NHSL2: variants seen among roughly 807,000 people sequenced by gnomAD.
The protein encoded by NHSL2 is NHS-like protein 2.
NHSL2 carries 27 observed loss-of-function variants against 53.4 expected under a neutral mutation model. That is an observed-to-expected ratio of 0.51 (90% CI 0.37 to 0.70). The LOEUF (loss-of-function observed/expected upper bound fraction) is 0.70, where lower values mean the gene tolerates loss of function less well. Ranked by LOEUF, NHSL2 falls within the 30% of genes least tolerant of loss-of-function variation. NHSL2 has a pLI of 0.00. For missense variants in NHSL2, 892 were observed against 980.1 expected (o/e 0.91, Z 1.20); for synonymous variants, 408 against 404.1 (o/e 1.01, Z -0.12).
At chrX:72,052,569 G>T (rs957692599) in intron 1 of NHSL2, among the ~76,000 whole-genome samples, 16 of 111,965 alleles carry the variant, frequency 1.4e-4, no homozygotes, top group Non-Finnish European at 2.8e-4. Context: ...GGGAGGAGAT[G>T]GAGTAAGGAC....
intron 1 of NHSL2, among the ~76,000 whole-genome samples, chrX:72,006,924 TC>T (rs780753807): frequency 8.9e-6 from 1 of 112,613 alleles, no homozygotes; most frequent in Non-Finnish European, 1.9e-5. Flanking sequence ...CTCGTTTTGC[TC>T]TGCAATTCCA....
chrX:71,916,735 C>G (rs1428123865), intron 1 of NHSL2, among the ~76,000 whole-genome samples: 2 of 112,073 alleles, frequency 1.8e-5, no homozygotes, highest in African/African-American at 6.5e-5. Context: ...TTAGAATTCC[C>G]TATGGTAAAA....
At chrX:72,089,386 C>G (rs927395126) in intron 1 of NHSL2, among the ~76,000 whole-genome samples, 1 of 111,599 alleles carries the variant, frequency 9.0e-6, no homozygotes, top group African/African-American at 3.3e-5. Context: ...AGGCAGCTTC[C>G]CAAGCTCAGA....
intron 1 of NHSL2, among the ~76,000 whole-genome samples, chrX:72,039,798 G>A (rs1307598958): frequency 9.0e-6 from 1 of 111,677 alleles, no homozygotes; most frequent in Admixed American, 9.5e-5. Context: ...TCCACAGTCT[G>A]CAGTACATGA....
Position 72,129,717 on chromosome X carries a change from A to C in NHSL2, c.281-2362A>C. 4.1e-6 allele frequency: 3 copies of C among 725,608 alleles called. No individual in the cohort carries two copies. The South Asian group carries it at 8.0e-5, about 19-fold the overall frequency. The allele number at this position is 725,608 out of a possible 1,213,427, so 59.8% of individuals were successfully genotyped here. A position where few individuals can be genotyped will look rare whatever the true frequency, so the allele number is the denominator to read the frequency against. ...TCTGCAGGTCTTCTTCAGGTTCTGCAGGTCTGAAACTCCCTGAAGTCCTGG... is the reference window on the plus strand; with the variant it reads ...TCTGCAGGTCTTCTTCAGGTTCTGCCGGTCTGAAACTCCCTGAAGTCCTGG... On this transcript the variant is annotated intron_variant, in intron 1 of 7. Coordinates refer to ENST00000633930, the MANE Select transcript of NHSL2 (RefSeq NM_001013627.3).
rs1388059729 is a variant in NHSL2, at chrX:72,143,897, G to C, written c.*323G>C. 3.9e-5 allele frequency: 6 copies of C among 154,811 alleles called. No individual in the cohort carries two copies. The highest frequency in any genetic ancestry group is 7.7e-5 in the Admixed American group (1 of 13,059). The allele number at this position is 154,811 out of a possible 1,213,427, so 12.8% of individuals were successfully genotyped here. ...GCACATGTGCCACTTTTTCAATTCA[G>C]TGACCCGGCTGCTCCATCCCTGGCT... On this transcript the variant is annotated 3_prime_UTR_variant, in exon 8 of 8. Transcript: ENST00000633930.
At chrX:72,103,750 A>T (rs1052593379) in intron 1 of NHSL2, among the ~76,000 whole-genome samples, 1 of 112,332 alleles carries the variant, frequency 8.9e-6, no homozygotes, top group African/African-American at 3.2e-5. Context: ...GGGACTTGAG[A>T]GGAGAAAAGC....
chrX:72,139,085 G>A lies in NHSL2; in HGVS notation c.1537G>A (p.Asp513Asn), dbSNP rs780600090. 2 of 1,168,721 alleles carry A rather than the reference G, an allele frequency of 1.7e-6. No homozygotes were observed. The highest frequency in any genetic ancestry group is 1.8e-5 in the African/African-American group (1 of 56,052). ...CTCAGGCACCACAGATGTGGACTAT[G>A]ATGAGGAGCAGAAGGCCAATGAGGC... ...TDSGTTDVDY[D>N]EEQKANEACA... The change falls in exon 6 of 8, where the codon GAT becomes AAT. Residue 513 changes from aspartate to asparagine, a missense_variant. By Grantham distance (23) the Asp-to-Asn change is conservative. Coordinates refer to ENST00000633930, the MANE Select transcript of NHSL2 (RefSeq NM_001013627.3).
intron 1 of NHSL2, among the ~76,000 whole-genome samples, chrX:72,022,706 T>C (rs1310966254): frequency 8.9e-6 from 1 of 111,988 alleles, no homozygotes; most frequent in African/African-American, 3.3e-5. Flanking sequence ...GCACAGACAT[T>C]CAATCCATGA....
Position 71,910,868 on chromosome X carries a change from G to A in NHSL2, c.-220G>A, listed in dbSNP as rs1025015725. 1.5e-4 allele frequency: 35 copies of A among 228,971 alleles called. No homozygotes were observed. The highest frequency in any genetic ancestry group is 9.5e-4 in the African/African-American group (32 of 33,851). 18.9% of individuals were successfully genotyped at this position (228,971 alleles called of 1,213,427 possible). A position where few individuals can be genotyped will look rare whatever the true frequency, so the allele number is the denominator to read the frequency against. ...TCAGAGGGACTGGTGGCTCCGGCGAGTGTGCAGCCCCGGGGGAGCCGGCGC... is the reference window on the plus strand; with the variant it reads ...TCAGAGGGACTGGTGGCTCCGGCGAATGTGCAGCCCCGGGGGAGCCGGCGC... On this transcript the variant is annotated 5_prime_UTR_variant, in exon 1 of 8. It adds an upstream start codon to the 5' untranslated region. Transcript: ENST00000633930.
chrX:72,105,422 C>T (rs1223448464), intron 1 of NHSL2, among the ~76,000 whole-genome samples: 1 of 111,473 alleles, frequency 9.0e-6, no homozygotes, highest in Non-Finnish European at 1.9e-5. Context: ...GGAGTCAGGA[C>T]CTAAAAGGAA....
At chrX:72,133,203 C>T (rs1007234088) in intron 2 of NHSL2, among the ~76,000 whole-genome samples, 1 of 112,413 alleles carries the variant, frequency 8.9e-6, no homozygotes, top group Non-Finnish European at 1.9e-5. Flanking sequence ...CCCCAACTGT[C>T]CGTGGAAGAA....
intron 1 of NHSL2, among the ~76,000 whole-genome samples, chrX:72,113,531 G>A (rs900848324): frequency 1.8e-5 from 2 of 111,872 alleles, no homozygotes; most frequent in African/African-American, 6.5e-5. Flanking sequence ...GGCTGGACAG[G>A]AGAACCACAA....
At chrX:71,974,134 C>T (rs752224460) in intron 1 of NHSL2, among the ~76,000 whole-genome samples, 2 of 112,252 alleles carry the variant, frequency 1.8e-5, no homozygotes, top group South Asian at 7.5e-4. Context: ...CTTTCACCAG[C>T]GAAATGATTG....
intron 1 of NHSL2, among the ~76,000 whole-genome samples, chrX:71,961,794 G>A (rs1432099297): frequency 9.0e-6 from 1 of 111,241 alleles, no homozygotes; most frequent in African/African-American, 3.3e-5. Flanking sequence ...TCTGCCTCCC[G>A]AGTAGCTGAG....
intron 1 of NHSL2, chrX:72,131,328 G>T (rs774040323): frequency 8.3e-7 from 1 of 1,203,006 alleles, no homozygotes; most frequent in Non-Finnish European, 1.1e-6. Flanking sequence ...CACTGAGCGC[G>T]AACTCCAAGT....
At chrX:71,960,611 C>G (rs184698339) in intron 1 of NHSL2, among the ~76,000 whole-genome samples, 10 of 112,352 alleles carry the variant, frequency 8.9e-5, no homozygotes, top group Admixed American at 8.5e-4. Context: ...ATCCAGTTGT[C>G]CCAGCACCAT....
intron 1 of NHSL2, among the ~76,000 whole-genome samples, chrX:72,071,843 C>A (rs2041703615): frequency 8.9e-6 from 1 of 112,471 alleles, no homozygotes; most frequent in East Asian, 2.8e-4. Context: ...TTTCACTCAT[C>A]CATCTATCTG....
chrX:72,109,708 C>G (rs1324362368), intron 1 of NHSL2, among the ~76,000 whole-genome samples: 1 of 111,092 alleles, frequency 9.0e-6, no homozygotes, highest in Admixed American at 9.6e-5. Context: ...ACCTCATGAT[C>G]CGCCCGCCTC....
Sources: gnomAD v4.1 joint callset for allele counts (sites outside exome capture counted in the v4.1 genomes callset) on GRCh38, gnomAD v4.1.1 for gene constraint, MANE v1.5 for transcripts, NCBI Gene and HGNC (gene_info 2026-07-23, HGNC 2026-07-21) for gene names.